MSRA: variants seen among roughly 807,000 people sequenced by gnomAD.
The protein encoded by MSRA is methionine sulfoxide reductase A.
In MSRA, 54 loss-of-function variants were observed where a neutral mutation model predicts 31.3. The ratio of observed to expected loss-of-function variants is 1.73; its 90% CI spans 1.39 to 2.17. The LOEUF is 2.17. Among genes scored for constraint, MSRA ranks in the 30% most tolerant of loss-of-function variants. The pLI, the probability that MSRA is intolerant of heterozygous loss-of-function variation, is 0.00. For synonymous variants in MSRA, 169 were observed against 116.5 expected (o/e 1.45, Z -2.90); for missense variants, 507 against 300.9 (o/e 1.69, Z -5.07).
intron 1 of MSRA, among the ~76,000 whole-genome samples, chr8:10,146,447 C>A (rs945194588): frequency 2.0e-5 from 3 of 152,152 alleles, no homozygotes; most frequent in Non-Finnish European, 2.9e-5. Flanking sequence ...CGGTAGAGAA[C>A]TGTGAGTAAA....
intron 1 of MSRA, among the ~76,000 whole-genome samples, chr8:10,185,665 C>G (rs1421954000): frequency 6.6e-6 from 1 of 152,152 alleles, no homozygotes; most frequent in Admixed American, 6.5e-5. Context: ...CTTCAAGAGC[C>G]AGGCCCTGGT....
chr8:10,132,250 G>A (rs543105104), intron 1 of MSRA, among the ~76,000 whole-genome samples: 1 of 152,324 alleles, frequency 6.6e-6, no homozygotes, highest in South Asian at 2.1e-4. Flanking sequence ...TGGACTTTCA[G>A]ATGACTTATT....
chr8:10,096,091 A>G (rs1461830466), intron 1 of MSRA: 14 of 1,332,380 alleles, frequency 1.1e-5, no homozygotes, highest in Admixed American at 6.1e-5. Flanking sequence ...ATTTATAGAC[A>G]TTAACTTTTC....
chr8:10,385,905 C>T (rs188517656), intron 5 of MSRA, among the ~76,000 whole-genome samples: 13 of 152,136 alleles, frequency 8.5e-5, no homozygotes, highest in Admixed American at 2.6e-4. Flanking sequence ...ACCAAGAATA[C>T]GTCGTGACAG....
At chr8:10,222,563 G>A (rs1322560669) in intron 2 of MSRA, among the ~76,000 whole-genome samples, 1 of 152,052 alleles carries the variant, frequency 6.6e-6, no homozygotes. Flanking sequence ...GTTCATTGAG[G>A]CACTATTCAC....
chr8:10,147,182 G>T (rs2129034252), intron 1 of MSRA, among the ~76,000 whole-genome samples: 1 of 152,312 alleles, frequency 6.6e-6, no homozygotes, highest in South Asian at 2.1e-4. Flanking sequence ...CGGGTCCTCA[G>T]GTTTGAGCCA....
chr8:10,170,983 A>G (rs1228242381), intron 1 of MSRA, among the ~76,000 whole-genome samples: 2 of 152,198 alleles, frequency 1.3e-5, no homozygotes, highest in Non-Finnish European at 2.9e-5. Flanking sequence ...GTGAGAGTGG[A>G]TATCTTCCCC....
intron 1 of MSRA, among the ~76,000 whole-genome samples, chr8:10,120,245 C>G (rs1226608204): frequency 6.6e-6 from 1 of 152,204 alleles, no homozygotes; most frequent in Non-Finnish European, 1.5e-5. Flanking sequence ...AAGAGTCGTA[C>G]TCAGCCATGT....
chr8:10,353,768 G>A (rs146245203), intron 5 of MSRA: 2 of 365,974 alleles, frequency 5.5e-6, no homozygotes, highest in East Asian at 8.6e-5. Flanking sequence ...GGTTCCACTT[G>A]GAAAATTCTT....
intron 5 of MSRA, among the ~76,000 whole-genome samples, chr8:10,425,125 C>T (rs981405136): frequency 6.6e-6 from 1 of 151,948 alleles, no homozygotes; most frequent in Non-Finnish European, 1.5e-5. Context: ...TGTCCTTTCC[C>T]TCAGTTTTGG....
intron 1 of MSRA, among the ~76,000 whole-genome samples, chr8:10,083,062 A>G (rs571400663): frequency 6.6e-5 from 10 of 152,138 alleles, no homozygotes; most frequent in Non-Finnish European, 1.2e-4. Flanking sequence ...ATTTGGAAGC[A>G]CGTAACCATA....
intron 5 of MSRA, among the ~76,000 whole-genome samples, chr8:10,409,233 A>AT (rs1413197899): frequency 1.3e-5 from 2 of 152,226 alleles, no homozygotes; most frequent in East Asian, 1.9e-4. Flanking sequence ...AACATCTGTT[A>AT]TTTTTTTGAC....
At chr8:10,224,744 T>G (rs935114494) in intron 2 of MSRA, among the ~76,000 whole-genome samples, 1 of 152,202 alleles carries the variant, frequency 6.6e-6, no homozygotes, top group Non-Finnish European at 1.5e-5. Context: ...ATCATATCAT[T>G]CCTTTGCTGG....
intron 1 of MSRA, among the ~76,000 whole-genome samples, chr8:10,125,703 T>C (rs553812771): frequency 6.6e-6 from 1 of 152,332 alleles, no homozygotes; most frequent in Non-Finnish European, 1.5e-5. Flanking sequence ...AAGTTTTCCC[T>C]CTTAAATGTT....
chr8:10,216,148 C>A (rs1371654972), intron 2 of MSRA, among the ~76,000 whole-genome samples: 1 of 152,068 alleles, frequency 6.6e-6, no homozygotes, highest in Non-Finnish European at 1.5e-5. Flanking sequence ...TCTCATTCTC[C>A]CCAGCCATTT....
At chr8:10,330,481 C>T (rs752418416) in intron 5 of MSRA, among the ~76,000 whole-genome samples, 8 of 152,116 alleles carry the variant, frequency 5.3e-5, no homozygotes, top group African/African-American at 1.2e-4. Context: ...CTTATTCTCC[C>T]GTCCCATGTT....
At chr8:10,177,627 T>G (rs1806170689) in intron 1 of MSRA, among the ~76,000 whole-genome samples, 1 of 152,252 alleles carries the variant, frequency 6.6e-6, no homozygotes, top group African/African-American at 2.4e-5. Flanking sequence ...CTACATGTTT[T>G]GGTGACATGA....
At chr8:10,111,069 C>G (rs559549208) in intron 1 of MSRA, among the ~76,000 whole-genome samples, 12 of 152,286 alleles carry the variant, frequency 7.9e-5, no homozygotes, top group African/African-American at 2.6e-4. Flanking sequence ...TTCCTGTGTG[C>G]TTGATTTGAC....
intron 1 of MSRA, among the ~76,000 whole-genome samples, chr8:10,090,480 T>A (rs922406296): frequency 6.6e-6 from 1 of 152,222 alleles, no homozygotes; most frequent in Non-Finnish European, 1.5e-5. Context: ...GAGTTTATCT[T>A]GGGTTGTAAC....
Sources: allele counts gnomAD v4.1 joint callset (sites outside exome capture counted in the v4.1 genomes callset), GRCh38; gene constraint gnomAD v4.1.1; transcripts MANE v1.5; gene names NCBI Gene and HGNC (gene_info 2026-07-23, HGNC 2026-07-21).